Variants in MGAT1 observed in about 807,000 individuals in gnomAD.
MGAT1 encodes the protein alpha-1,3-mannosyl-glycoprotein 2-beta-N-acetylglucosaminyltransferase, also known as N-glycosyl-oligosaccharide-glycoprotein N-acetylglucosaminyltransferase I.
Under a neutral mutation model 31.7 loss-of-function variants are expected in MGAT1, and 14 were observed. That is an observed-to-expected ratio of 0.44 (90% CI 0.29 to 0.69). The LOEUF is 0.69. MGAT1 is among the 30% of genes least tolerant of loss of function. The probability of loss-of-function intolerance (pLI) is 0.12; values close to 1 mark genes in which losing one functional copy is unlikely to be tolerated. For missense variants in MGAT1, 557 were observed against 626.0 expected (o/e 0.89, Z 1.18); for synonymous variants, 338 against 276.0 (o/e 1.22, Z -2.23).
At chr5:180,806,843 C>T (rs115901144), upstream of MGAT1, among the ~76,000 whole-genome samples, 612 of 152,362 alleles carry the variant, frequency 4.0e-3, 2 homozygotes, top group African/African-American at 0.014. Context: ...CGTGGCATCA[C>T]GTATCCCCGA....
chr5:180,806,012 G>T (rs941414482), upstream of MGAT1, among the ~76,000 whole-genome samples: 14 of 152,160 alleles, frequency 9.2e-5, no homozygotes, highest in African/African-American at 3.4e-4. Flanking sequence ...ACACGGCCGG[G>T]CACCGTGGCT....
rs1249800011 is a variant in MGAT1 at position 180,789,654 on chromosome 5, G to A, written c.*1980C>T. On this transcript the variant is annotated 3_prime_UTR_variant, in exon 2 of 2. Coordinates refer to ENST00000307826, the MANE Select transcript of MGAT1 (RefSeq NM_002406.4). The stretch of plus-strand genomic sequence containing the variant: ...AAGCGTTTTGTTTTTCCGAGACAGA[G>A]TCTTGCTCTGTCGCCCAGGCTGGAG... 6.9e-6 allele frequency: 1 copy of A among 145,930 alleles called. No individual in the cohort carries two copies. The highest frequency in any genetic ancestry group is 1.5e-5 in the Non-Finnish European group (1 of 66,260). 9.0% of individuals were successfully genotyped at this position (145,930 alleles called of 1,614,324 possible).
intron 1 of MGAT1, among the ~76,000 whole-genome samples, chr5:180,815,143 C>G (rs1352041304): frequency 6.6e-6 from 1 of 151,878 alleles, no homozygotes; most frequent in East Asian, 1.9e-4. Context: ...GGGGACTGAG[C>G]GTGCTAAGGT....
intron 1 of MGAT1, chr5:180,809,350 A>C (rs1772283061): frequency 6.6e-6 from 1 of 152,158 alleles, no homozygotes; most frequent in South Asian, 2.1e-4. Context: ...TTCAGGATAA[A>C]AGATGGATCG....
At chr5:180,808,504 G>A (rs1772149164) in intron 2 of MGAT1, 2 of 152,218 alleles carry the variant, frequency 1.3e-5, no homozygotes, top group South Asian at 4.1e-4. Flanking sequence ...GTCTATACCT[G>A]GACAGAGTAA....
At chr5:180,804,885 C>G (rs950755024), upstream of MGAT1, among the ~76,000 whole-genome samples, 1 of 152,148 alleles carries the variant, frequency 6.6e-6, no homozygotes, top group Admixed American at 6.5e-5. Flanking sequence ...CACACCCCAT[C>G]TCTACCACCC....
chr5:180,814,637 T>C (rs1267906073), intron 1 of MGAT1, among the ~76,000 whole-genome samples: 2 of 152,196 alleles, frequency 1.3e-5, no homozygotes, highest in Admixed American at 1.3e-4. Context: ...TTCTATTGCT[T>C]ATGACAGAAT....
chr5:180,792,859 G>C lies in MGAT1; in HGVS notation c.113C>G (p.Pro38Arg). ...FWTRPAPGRP[P>R]SVSALDGDPA... The stretch of plus-strand genomic sequence containing the variant: ...GTCGCCATCGAGAGCGCTGACTGAG[G>C]GTGGCCTGCCAGGTGCTGGGCGCGT... Residue 38 changes from proline (P) to arginine (R), a missense_variant, in exon 2 of 2, where the codon CCC (proline) becomes CGC (arginine). Pro to Arg is a moderately radical substitution (Grantham distance 103, BLOSUM62 -2). Coordinates refer to ENST00000307826, the MANE Select transcript of MGAT1 (RefSeq NM_002406.4). 6.3e-7 allele frequency: 1 copy of C among 1,577,210 alleles called. No individual in the cohort carries two copies. The highest frequency in any genetic ancestry group is 8.6e-7 in the Non-Finnish European group (1 of 1,162,280).
At chr5:180,796,149 G>T (rs1020416306) in intron 1 of MGAT1, among the ~76,000 whole-genome samples, 3 of 152,134 alleles carry the variant, frequency 2.0e-5, no homozygotes, top group African/African-American at 7.2e-5. Context: ...TTGGGCCTCA[G>T]ATCTAACCTC....
Position 180,792,402 on chromosome 5 carries a change from G to A in MGAT1, c.570C>T (p.Arg190=), listed in dbSNP as rs1484536376. 8.7e-6 allele frequency: 14 copies of A among 1,610,324 alleles called. No homozygotes were observed. Among genetic ancestry groups the A allele is most frequent in the Non-Finnish European group, 1.1e-5 (13 of 1,177,798 alleles). Residue 190 remains arginine, a synonymous_variant, in exon 2 of 2, where the codon CGC becomes CGT. Transcript: ENST00000307826. ...GCCGGAAGACCTGGCCCAGCGCCCA[G>A]CGGTAGTGGCGCGCGATCTTGTAGT... ...QGYYKIARHY[R]WALGQVFRQF... is the part of the protein sequence containing the mutation.
At chr5:180,803,885 G>A (rs1771431495), upstream of MGAT1, 1 of 152,382 alleles carries the variant, frequency 6.6e-6, no homozygotes, top group African/African-American at 2.4e-5. Context: ...CCCCAAGAAG[G>A]GCTGCTGCCA....
upstream of MGAT1, among the ~76,000 whole-genome samples, chr5:180,806,469 G>C (rs1771891096): frequency 1.3e-5 from 2 of 152,190 alleles, no homozygotes. Context: ...TCAGGGAGAG[G>C]AATGCTTGCT....
intron 1 of MGAT1, among the ~76,000 whole-genome samples, chr5:180,794,111 G>A (rs1768812088): frequency 1.3e-5 from 2 of 151,788 alleles, no homozygotes. Flanking sequence ...AGATGCAGTA[G>A]CTCCTACCTG....
rs972814086 is a variant in MGAT1, at chr5:180,807,815, T to A, written c.-127+833A>T. 8.5e-5 allele frequency among the ~76,000 whole-genome samples: 13 copies of A among 152,264 alleles called. 1 individual carries two copies. Among genetic ancestry groups the A allele is most frequent in the Non-Finnish European group, 1.8e-4 (12 of 68,050 alleles). On this transcript the variant is annotated intron_variant, in intron 2 of 2. Transcript: ENST00000333055. ...ACACATTCAGGGGCAGGCTTTTCAC[T>A]AAGGACATCTTCTTAGGCTGTTGCC...
In MGAT1 at chr5:180,786,482, C is replaced by G. The variant is rs1156515747; in HGVS notation, c.*5152G>C. ...TCACTCCCTTCTTAGTAACAGGAAT[C>G]TTAATTTGATTCAGCTTCAGAAATA... On this transcript the variant is annotated 3_prime_UTR_variant, in exon 2 of 2. Coordinates refer to ENST00000307826, the MANE Select transcript of MGAT1 (RefSeq NM_002406.4). 1 of 152,272 alleles carries G rather than the reference C, an allele frequency of 6.6e-6. No individual in the cohort carries two copies. Among genetic ancestry groups the G allele is most frequent in the Admixed American group, 6.5e-5 (1 of 15,280 alleles). The allele number at this position is 152,272 out of a possible 1,614,324, so 9.4% of individuals were successfully genotyped here. A position where few individuals can be genotyped will look rare whatever the true frequency, so the allele number is the denominator to read the frequency against.
chr5:180,802,427 G>A (rs761543221), intron 1 of MGAT1, among the ~76,000 whole-genome samples: 3 of 152,014 alleles, frequency 2.0e-5, no homozygotes, highest in Non-Finnish European at 2.9e-5. Flanking sequence ...CCCAGTCCGC[G>A]GAGCCCGCCC....
intron 1 of MGAT1, chr5:180,809,832 ACT>A (rs201333289): frequency 0.032 from 4,566 of 143,682 alleles, 202 homozygotes; most frequent in African/African-American, 0.1. Flanking sequence ...ATCCACACAC[ACT>A]CTCTCTCTCC....
chr5:180,797,820 A>G (rs1769811515), intron 1 of MGAT1, among the ~76,000 whole-genome samples: 1 of 152,124 alleles, frequency 6.6e-6, no homozygotes, highest in African/African-American at 2.4e-5. Flanking sequence ...AGGACATGAC[A>G]CCCCTAGTTC....
At chr5:180,799,437 CACAG>C (rs1307975391) in intron 1 of MGAT1, among the ~76,000 whole-genome samples, 1 of 152,172 alleles carries the variant, frequency 6.6e-6, no homozygotes, top group Non-Finnish European at 1.5e-5. Flanking sequence ...TCTGTAACAT[CACAG>C]ACAGAGCCAG....
Sources: gnomAD v4.1 joint callset for allele counts (sites outside exome capture counted in the v4.1 genomes callset) on GRCh38, gnomAD v4.1.1 for gene constraint, MANE v1.5 for transcripts, NCBI Gene and HGNC (gene_info 2026-07-23, HGNC 2026-07-21) for gene names.